Variants in STK32A observed in about 807,000 individuals in gnomAD.
STK32A encodes the protein serine/threonine kinase 32A, also known as serine/threonine-protein kinase 32A.
A neutral mutation model predicts 53.2 loss-of-function variants in STK32A; 41 were observed. That is an observed-to-expected ratio of 0.77 (90% CI 0.60 to 1.00). The LOEUF is 1.00. Among genes scored for constraint, STK32A ranks in the 50% least tolerant of loss-of-function variants. The probability of loss-of-function intolerance (pLI) is 0.00; values close to 1 mark genes in which losing one functional copy is unlikely to be tolerated. For synonymous variants in STK32A, 166 were observed against 162.8 expected (o/e 1.02, Z -0.15); for missense variants, 458 against 485.8 (o/e 0.94, Z 0.54).
chr5:147,372,527 G>A (rs953953031), intron 9 of STK32A, among the ~76,000 whole-genome samples: 12 of 151,958 alleles, frequency 7.9e-5, no homozygotes, highest in African/African-American at 2.9e-4. Context: ...GAGGTTGCAT[G>A]GTTGTCATCT....
chr5:147,306,069 C>A (rs927987352), intron 4 of STK32A, among the ~76,000 whole-genome samples: 1 of 151,892 alleles, frequency 6.6e-6, no homozygotes, highest in African/African-American at 2.4e-5. Context: ...TACTCACATC[C>A]GCAATGTATG....
At chr5:147,355,368 A>G (rs1756167061) in intron 7 of STK32A, among the ~76,000 whole-genome samples, 1 of 152,110 alleles carries the variant, frequency 6.6e-6, no homozygotes. Flanking sequence ...CAGATTACTT[A>G]GAGTTAACCA....
chr5:147,364,641 GGGTTCT>G (rs1260859046), intron 8 of STK32A, among the ~76,000 whole-genome samples: 8 of 152,236 alleles, frequency 5.3e-5, no homozygotes, highest in Non-Finnish European at 1.0e-4. Flanking sequence ...CATCATGGTT[GGGTTCT>G]GGTGAGGGCT....
the STK32A span, among the ~76,000 whole-genome samples, chr5:147,395,912 T>G: frequency 0.45 from 68,415 of 151,796 alleles, 16,185 homozygotes; most frequent in African/African-American, 0.57. Context: ...TGACAATGGA[T>G]GTGGTCAGTG....
chr5:147,246,195 C>T (rs747636789), intron 2 of STK32A, among the ~76,000 whole-genome samples: 11 of 152,136 alleles, frequency 7.2e-5, no homozygotes, highest in Non-Finnish European at 1.5e-4. Flanking sequence ...TCTTGGACAA[C>T]CTAACATTTA....
Position 147,331,600 on chromosome 5 carries a change from A to G in STK32A, c.434+7529A>G, listed in dbSNP as rs568144806. Among the ~76,000 whole-genome samples, 4 of 152,362 alleles carry G rather than the reference A, an allele frequency of 2.6e-5. No homozygotes were observed. The East Asian group carries it at 7.7e-4, about 29-fold the overall frequency. On this transcript the variant is annotated intron_variant, in intron 5 of 12. Coordinates refer to ENST00000397936, the MANE Select transcript of STK32A (RefSeq NM_001112724.2). ...TGTGCTCCCTCAGAAAGATTTGTTG[A>G]AGTCCTAACCTCCAGTGCCTCAGAC...
chr5:147,370,669 C>G lies in STK32A; in HGVS notation c.676C>G (p.Arg226Gly). ...CTCCCTTAAGAGACCGTATCATATT[C>G]GCTCCAGTACTTCCAGCAAGGAAAT... Reference protein sequence around the residue: ...LLRGRRPYHIRSSTSSKEIVH... With the variant: ...LLRGRRPYHIGSSTSSKEIVH... Residue 226 changes from arginine to glycine, a missense_variant, in exon 9 of 13, where the codon CGC (arginine) becomes GGC (glycine). By Grantham distance (125) the Arg-to-Gly change is moderately radical. Transcript: ENST00000397936. The G allele has an allele frequency of 6.2e-7, 1 of 1,609,288 alleles. No individual in the cohort carries two copies. The highest frequency in any genetic ancestry group is 8.5e-7 in the Non-Finnish European group (1 of 1,176,230).
At chr5:147,303,649 A>G (rs1753249256) in intron 4 of STK32A, among the ~76,000 whole-genome samples, 1 of 152,176 alleles carries the variant, frequency 6.6e-6, no homozygotes, top group East Asian at 1.9e-4. Flanking sequence ...CGTAATACAT[A>G]AAATATGTTT....
chr5:147,361,374 A>T, intron 7 of STK32A, 143 bp from the exon 8 acceptor site: 1 of 674,540 alleles, frequency 1.5e-6, no homozygotes, highest in Non-Finnish European at 2.7e-6. Flanking sequence ...GCCTGCTGTG[A>T]GCAATCTAGC....
chr5:147,310,503 C>A (rs1213112164), intron 4 of STK32A, among the ~76,000 whole-genome samples: 1 of 152,138 alleles, frequency 6.6e-6, no homozygotes, highest in African/African-American at 2.4e-5. Flanking sequence ...TATGACTCAG[C>A]ACGCCGGGCA....
At chr5:147,395,593 C>T in the STK32A span, 2 of 1,613,790 alleles carry the variant, frequency 1.2e-6, no homozygotes, top group Non-Finnish European at 1.7e-6. Context: ...GAAGATTCCT[C>T]ACAGGTGGGT....
intron 2 of STK32A, chr5:147,240,062 C>T (rs1469220731): frequency 5.8e-6 from 1 of 172,754 alleles, no homozygotes; most frequent in Non-Finnish European, 1.2e-5. Context: ...ATAACCAGTG[C>T]TCATAATATT....
chr5:147,241,646 C>CT (rs1217960270), intron 2 of STK32A, among the ~76,000 whole-genome samples: 2 of 152,028 alleles, frequency 1.3e-5, no homozygotes, highest in Non-Finnish European at 2.9e-5. Flanking sequence ...CTTAAGAAAA[C>CT]TTTTTTTTCA....
chr5:147,318,143 C>T (rs891585441), intron 4 of STK32A, among the ~76,000 whole-genome samples: 2 of 151,826 alleles, frequency 1.3e-5, no homozygotes, highest in Non-Finnish European at 2.9e-5. Context: ...TTTTTATGTA[C>T]CTAAGCAGCT....
At chr5:147,397,881 G>C in the STK32A span, 1 of 1,198,772 alleles carries the variant, frequency 8.3e-7, no homozygotes, top group Non-Finnish European at 1.1e-6. Flanking sequence ...CCACAGTAAG[G>C]GTAGAGAAAG....
chr5:147,350,814 A>T (rs957878271), intron 6 of STK32A, among the ~76,000 whole-genome samples: 2 of 152,204 alleles, frequency 1.3e-5, no homozygotes, highest in African/African-American at 4.8e-5. Context: ...AACTAGAATT[A>T]CCTGACCACA....
chr5:147,358,641 A>G (rs1425643478), intron 7 of STK32A, among the ~76,000 whole-genome samples: 1 of 152,158 alleles, frequency 6.6e-6, no homozygotes, highest in African/African-American at 2.4e-5. Flanking sequence ...TACACATACC[A>G]TTGAGTAAGA....
intron 5 of STK32A, among the ~76,000 whole-genome samples, chr5:147,331,759 A>G (rs1377779932): frequency 6.6e-6 from 1 of 152,132 alleles, no homozygotes; most frequent in Non-Finnish European, 1.5e-5. Flanking sequence ...ACATACAAAG[A>G]GTGAAGATGA....
At chr5:147,395,991 C>CA in the STK32A span, among the ~76,000 whole-genome samples, 1 of 151,902 alleles carries the variant, frequency 6.6e-6, no homozygotes, top group African/African-American at 2.4e-5. Flanking sequence ...TTGGGGTTGC[C>CA]AGAGGGAGGA....
Sources: allele counts gnomAD v4.1 joint callset (sites outside exome capture counted in the v4.1 genomes callset), GRCh38; gene constraint gnomAD v4.1.1; transcripts MANE v1.5; gene names NCBI Gene and HGNC (gene_info 2026-07-23, HGNC 2026-07-21).